Variants in KAZN observed in about 807,000 individuals in gnomAD.
KAZN encodes the protein kazrin, periplakin interacting protein.
KAZN carries 40 observed loss-of-function variants against 87.4 expected under a neutral mutation model. The ratio of observed to expected loss-of-function variants is 0.46; its 90% CI spans 0.36 to 0.60. KAZN has a LOEUF of 0.60. Among genes scored for constraint, KAZN ranks in the 20% least tolerant of loss-of-function variants. The pLI, the probability that KAZN is intolerant of heterozygous loss-of-function variation, is 0.00. For synonymous variants in KAZN, 466 were observed against 458.3 expected, an observed-to-expected ratio of 1.02 and a Z score of -0.22; for missense variants, 898 against 1,073.9, an observed-to-expected ratio of 0.84 and a Z score of 2.29.
chr1:13,954,956 C>T (rs6678469), intron 1 of KAZN, among the ~76,000 whole-genome samples: 63,685 of 152,006 alleles, frequency 0.42, 14,578 homozygotes, highest in African/African-American at 0.61. Context: ...TAGAGAGCTC[C>T]AATTCGTCTT....
At chr1:14,771,995 A>G (rs996945825) in intron 1 of KAZN, among the ~76,000 whole-genome samples, 6 of 152,182 alleles carry the variant, frequency 3.9e-5, no homozygotes, top group Admixed American at 1.3e-4. Flanking sequence ...CAGGAGACTT[A>G]AGGAGGTAGA....
chr1:15,005,127 AG>A lies in KAZN; in HGVS notation c.419-29619del, dbSNP rs554697096. 3.5e-3 allele frequency among the ~76,000 whole-genome samples: 538 copies of A among 152,236 alleles called. 5 individuals are homozygous for A. The highest frequency in any genetic ancestry group is 0.012 in the African/African-American group (511 of 41,538). Reference sequence around the variant, plus strand: ...GCCGAACTTCATCCCAAAACACATGAGGGTCTCAGGCACAGAGACCTGCCAC... The same window carrying A: ...GCCGAACTTCATCCCAAAACACATGAGGTCTCAGGCACAGAGACCTGCCAC... On this transcript the variant is annotated intron_variant, in intron 2 of 14. Transcript: ENST00000376030.
chr1:15,040,673 G>GGAGA (rs1276653214), intron 3 of KAZN, among the ~76,000 whole-genome samples: 2 of 152,038 alleles, frequency 1.3e-5, no homozygotes, highest in Non-Finnish European at 2.9e-5. Flanking sequence ...GGCTGAGGCA[G>GGAGA]GAGAATTGCT....
At chr1:14,818,413 G>A (rs576540134) in intron 1 of KAZN, among the ~76,000 whole-genome samples, 109 of 152,320 alleles carry the variant, frequency 7.2e-4, no homozygotes, top group African/African-American at 7.7e-4. Flanking sequence ...GTAATAGCGC[G>A]TTACCCAGGT....
intron 2 of KAZN, among the ~76,000 whole-genome samples, chr1:14,430,800 A>C (rs1666019450): frequency 6.6e-6 from 1 of 152,218 alleles, no homozygotes; most frequent in South Asian, 2.1e-4. Context: ...CATAGCTTGA[A>C]GGCATTGCAG....
intron 1 of KAZN, among the ~76,000 whole-genome samples, chr1:13,950,803 G>A (rs1011001210): frequency 6.6e-6 from 1 of 152,196 alleles, no homozygotes; most frequent in Non-Finnish European, 1.5e-5. Flanking sequence ...GGCAGCTAGA[G>A]GTCAAGGGGG....
chr1:15,078,811 C>T (rs969641120), intron 8 of KAZN, among the ~76,000 whole-genome samples: 2 of 152,148 alleles, frequency 1.3e-5, no homozygotes, highest in African/African-American at 4.8e-5. Flanking sequence ...AAAACTGGTG[C>T]CAGTGTTCCC....
intron 2 of KAZN, among the ~76,000 whole-genome samples, chr1:14,426,889 T>A (rs770627196): frequency 1.5e-4 from 22 of 151,690 alleles, no homozygotes; most frequent in Non-Finnish European, 2.4e-4. Context: ...TTGTTTCCTT[T>A]AACTTTTCCC....
At chr1:14,017,310 T>C (rs1640617044) in intron 1 of KAZN, among the ~76,000 whole-genome samples, 1 of 152,216 alleles carries the variant, frequency 6.6e-6, no homozygotes, top group African/African-American at 2.4e-5. Flanking sequence ...TCTGTGTCCA[T>C]AAACATTTGC....
chr1:14,450,213 A>G (rs1351099143), intron 2 of KAZN, among the ~76,000 whole-genome samples: 1 of 151,922 alleles, frequency 6.6e-6, no homozygotes, highest in Non-Finnish European at 1.5e-5. Flanking sequence ...TTCACATTTA[A>G]TTTCTGTTTT....
chr1:15,013,387 A>T (rs1183187602), intron 2 of KAZN, among the ~76,000 whole-genome samples: 2 of 152,204 alleles, frequency 1.3e-5, no homozygotes, highest in African/African-American at 2.4e-5. Context: ...CAGATGAAAA[A>T]AGAGCATAAG....
Position 14,575,922 on chromosome 1 carries a change from G to A in KAZN, c.250-23061G>A, listed in dbSNP as rs574997333. On this transcript the variant is annotated intron_variant, in intron 2 of 16. Coordinates refer to the KAZN transcript ENST00000636203. ...TAGGCTTTAGTATAGGGCCTGGCAC[G>A]TAAGAATAAAAATGCATCCCCTTAG... Among the ~76,000 whole-genome samples, 11 of 152,260 alleles carry A rather than the reference G, an allele frequency of 7.2e-5. No individual in the cohort carries two copies. The South Asian group carries it at 1.0e-3, about 14-fold the overall frequency.
intron 1 of KAZN, among the ~76,000 whole-genome samples, chr1:14,014,507 A>C (rs983265209): frequency 1.3e-5 from 2 of 152,162 alleles, no homozygotes; most frequent in African/African-American, 4.8e-5. Context: ...ACAAGGGTCC[A>C]CAAAGAACAA....
chr1:14,395,735 G>A (rs946308885), intron 2 of KAZN, among the ~76,000 whole-genome samples: 1 of 152,120 alleles, frequency 6.6e-6, no homozygotes, highest in Admixed American at 6.6e-5. Context: ...CGGACTTGGC[G>A]GGGCAACAAG....
intron 8 of KAZN, chr1:15,067,809 G>T (rs897529695): frequency 5.0e-5 from 49 of 984,880 alleles, no homozygotes; most frequent in Non-Finnish European, 5.8e-5. Flanking sequence ...ACCCAAGCTG[G>T]CATCTTTCTC....
chr1:14,171,298 T>G (rs1645949609), intron 1 of KAZN, among the ~76,000 whole-genome samples: 1 of 152,180 alleles, frequency 6.6e-6, no homozygotes, highest in South Asian at 2.1e-4. Context: ...TTCTTTTGCT[T>G]ATATACCTAA....
At chr1:14,880,960 G>A (rs1653275680) in intron 1 of KAZN, among the ~76,000 whole-genome samples, 4 of 152,182 alleles carry the variant, frequency 2.6e-5, no homozygotes, top group East Asian at 1.9e-4. Context: ...ACTCTTTGCC[G>A]GTGAATAGCC....
At chr1:14,988,278 T>TC (rs1667019700) in intron 2 of KAZN, among the ~76,000 whole-genome samples, 1 of 152,166 alleles carries the variant, frequency 6.6e-6, no homozygotes, top group Non-Finnish European at 1.5e-5. Context: ...CTCTTCCTCC[T>TC]CCCGGGGCTT....
chr1:14,245,521 C>T (rs978720960), intron 2 of KAZN, among the ~76,000 whole-genome samples: 18 of 151,916 alleles, frequency 1.2e-4, no homozygotes, highest in African/African-American at 1.9e-4. Context: ...CATTTTTCAC[C>T]GTGATAAAAA....
Sources: gnomAD v4.1 joint callset for allele counts (sites outside exome capture counted in the v4.1 genomes callset) on GRCh38, gnomAD v4.1.1 for gene constraint, MANE v1.5 for transcripts, NCBI Gene and HGNC (gene_info 2026-07-23, HGNC 2026-07-21) for gene names.